The following PLXDC2 variants were observed in gnomAD, a reference collection of about 807,000 sequenced individuals.
PLXDC2 encodes plexin domain containing 2.
In PLXDC2, 40 loss-of-function variants were observed where a neutral mutation model predicts 68.9. The observed-to-expected ratio is 0.58, with a 90% confidence interval of 0.45 to 0.76. PLXDC2 has a LOEUF of 0.76. PLXDC2 is among the 30% of genes least tolerant of loss of function. The pLI, the probability that PLXDC2 is intolerant of heterozygous loss-of-function variation, is 0.00. For missense variants in PLXDC2, 644 were observed against 661.9 expected (o/e 0.97, Z 0.30); for synonymous variants, 243 against 234.2 (o/e 1.04, Z -0.34).
rs1836121633 is a variant in PLXDC2, at chr10:20,284,336, C to CACAT, written c.*4520_*4521insTACA. 1 of 116,276 alleles carries CACAT rather than the reference C, an allele frequency of 8.6e-6. No homozygotes were observed. The highest frequency in any genetic ancestry group is 3.2e-5 in the African/African-American group (1 of 30,872). 7.2% of individuals were successfully genotyped at this position (116,276 alleles called of 1,614,324 possible). A position where few individuals can be genotyped will look rare whatever the true frequency, so the allele number is the denominator to read the frequency against. Reference sequence around the variant, plus strand: ...ACATATATATATATATATATACACACACACACACACACACACAAATATACA... The same window carrying CACAT: ...ACATATATATATATATATATACACACACATACACACACACACACACAAATATACA... On this transcript the variant is annotated 3_prime_UTR_variant, in exon 14 of 14. Transcript: ENST00000377252.
chr10:20,261,281 A>C (rs1835805859), intron 13 of PLXDC2, among the ~76,000 whole-genome samples: 1 of 152,134 alleles, frequency 6.6e-6, no homozygotes, highest in Non-Finnish European at 1.5e-5. Context: ...ATATCAAAGA[A>C]CTTTTTCCCT....
chr10:20,231,313 TGAA>T (rs1456733023), intron 12 of PLXDC2, among the ~76,000 whole-genome samples: 1 of 150,562 alleles, frequency 6.6e-6, no homozygotes, highest in East Asian at 1.9e-4. Context: ...AAATATGTAT[TGAA>T]GAAAAGTACT....
At chr10:19,857,618 A>G (rs1415689872) in intron 1 of PLXDC2, among the ~76,000 whole-genome samples, 1 of 152,210 alleles carries the variant, frequency 6.6e-6, no homozygotes, top group Non-Finnish European at 1.5e-5. Flanking sequence ...TAAAGTTTGT[A>G]TCCATGTATT....
chr10:20,127,001 A>T (rs1364182008), intron 4 of PLXDC2, among the ~76,000 whole-genome samples: 2 of 151,162 alleles, frequency 1.3e-5, no homozygotes, highest in Non-Finnish European at 1.5e-5. Context: ...TAAGGATATG[A>T]CATTAGCTTG....
intron 4 of PLXDC2, among the ~76,000 whole-genome samples, chr10:20,133,363 C>G (rs977442408): frequency 3.3e-5 from 5 of 152,128 alleles, no homozygotes; most frequent in Non-Finnish European, 7.4e-5. Flanking sequence ...TAAAGGTTCT[C>G]TTTACCATTT....
intron 1 of PLXDC2, among the ~76,000 whole-genome samples, chr10:19,820,469 A>C (rs1413534535): frequency 6.6e-6 from 1 of 151,442 alleles, no homozygotes; most frequent in African/African-American, 2.4e-5. Flanking sequence ...GTCTCTACTA[A>C]AAATACAAAA....
intron 1 of PLXDC2, among the ~76,000 whole-genome samples, chr10:19,952,413 A>G (rs1834004727): frequency 6.6e-6 from 1 of 152,194 alleles, no homozygotes; most frequent in Admixed American, 6.5e-5. Context: ...ATGAAAATCA[A>G]CCGTCTAAAT....
chr10:20,217,758 G>A (rs1446682425), intron 11 of PLXDC2, among the ~76,000 whole-genome samples, 182 bp downstream of exon 11: 1 of 151,866 alleles, frequency 6.6e-6, no homozygotes, highest in African/African-American at 2.4e-5. Flanking sequence ...AAATTATTAT[G>A]AACTAAAAGT....
At chr10:19,931,219 A>T (rs1833626162) in intron 1 of PLXDC2, among the ~76,000 whole-genome samples, 1 of 152,000 alleles carries the variant, frequency 6.6e-6, no homozygotes, top group Non-Finnish European at 1.5e-5. Context: ...CTGAACTTGG[A>T]CTCTTCAGAA....
At chr10:19,911,641 A>G (rs1420023253) in intron 1 of PLXDC2, among the ~76,000 whole-genome samples, 1 of 152,146 alleles carries the variant, frequency 6.6e-6, no homozygotes, top group Non-Finnish European at 1.5e-5. Context: ...AAAACTGAAG[A>G]CCCAGAGAAA....
At chr10:19,898,873 TAAAC>T (rs1838109749) in intron 1 of PLXDC2, among the ~76,000 whole-genome samples, 1 of 152,208 alleles carries the variant, frequency 6.6e-6, no homozygotes, top group Admixed American at 6.5e-5. Flanking sequence ...GTGGGTGAAT[TAAAC>T]AAATATTTAC....
chr10:20,244,071 A>T (rs1835555903), intron 12 of PLXDC2, among the ~76,000 whole-genome samples: 1 of 152,168 alleles, frequency 6.6e-6, no homozygotes, highest in South Asian at 2.1e-4. Context: ...ATCTCAAAGA[A>T]AAAACAAAGA....
chr10:20,188,080 TC>T (rs887458854), intron 9 of PLXDC2, among the ~76,000 whole-genome samples: 10 of 151,412 alleles, frequency 6.6e-5, no homozygotes, highest in East Asian at 3.9e-4. Flanking sequence ...TTGACTCGTT[TC>T]CCCCCAACTC....
chr10:20,152,523 C>G (rs895432224), intron 6 of PLXDC2, among the ~76,000 whole-genome samples: 5 of 152,034 alleles, frequency 3.3e-5, no homozygotes, highest in African/African-American at 1.2e-4. Flanking sequence ...TAGAAATCAG[C>G]CAAAATACAA....
chr10:19,842,837 C>T (rs997265305), intron 1 of PLXDC2, among the ~76,000 whole-genome samples: 6 of 151,964 alleles, frequency 3.9e-5, no homozygotes, highest in African/African-American at 1.4e-4. Flanking sequence ...ATGGAGCTTT[C>T]TTTTTTGCTC....
chr10:19,872,964 G>A (rs927172802), intron 1 of PLXDC2, among the ~76,000 whole-genome samples: 1 of 152,126 alleles, frequency 6.6e-6, no homozygotes, highest in African/African-American at 2.4e-5. Context: ...TCTTTATGCT[G>A]ATTCAAATGA....
chr10:20,116,199 C>A (rs1833618938), intron 4 of PLXDC2, among the ~76,000 whole-genome samples: 1 of 152,156 alleles, frequency 6.6e-6, no homozygotes, highest in African/African-American at 2.4e-5. Context: ...AGCTTTGCCC[C>A]CAAGCCTTTC....
chr10:20,076,937 C>G (rs775351996), intron 4 of PLXDC2, among the ~76,000 whole-genome samples: 5 of 152,142 alleles, frequency 3.3e-5, no homozygotes, highest in Non-Finnish European at 5.9e-5. Context: ...TTGTAACACA[C>G]GATAGAATCT....
At chr10:20,044,061 CTAGA>C (rs1214123595) in intron 2 of PLXDC2, among the ~76,000 whole-genome samples, 1 of 138,430 alleles carries the variant, frequency 7.2e-6, no homozygotes, top group African/African-American at 2.6e-5. Flanking sequence ...TAGGTCACAT[CTAGA>C]TAGACTTGCG....
Sources: allele counts gnomAD v4.1 joint callset (sites outside exome capture counted in the v4.1 genomes callset), GRCh38; gene constraint gnomAD v4.1.1; transcripts MANE v1.5; gene names NCBI Gene and HGNC (gene_info 2026-07-23, HGNC 2026-07-21).